The following NRXN1 variants were observed in gnomAD, a reference collection of about 807,000 sequenced individuals.
The protein encoded by NRXN1 is neurexin 1.
In NRXN1, 39 loss-of-function variants were observed where a neutral mutation model predicts 150.9. The ratio of observed to expected loss-of-function variants is 0.26; its 90% confidence interval spans 0.20 to 0.34. The LOEUF (loss-of-function observed/expected upper bound fraction) is 0.34, where lower values mean the gene tolerates loss of function less well. Ranked by LOEUF, NRXN1 falls within the 10% of genes least tolerant of loss-of-function variation. NRXN1 has a pLI of 1.00. For synonymous variants in NRXN1, 924 were observed against 757.0 expected (o/e 1.22, Z -3.62); for missense variants, 1,815 against 1,949.9 (o/e 0.93, Z 1.30).
chr2:49,942,453 T>G (rs962269913), intron 22 of NRXN1, among the ~76,000 whole-genome samples: 1 of 152,272 alleles, frequency 6.6e-6, no homozygotes, highest in Middle Eastern at 3.4e-3. Flanking sequence ...TCTAAAATGG[T>G]ATTCTTCACA....
intron 18 of NRXN1, among the ~76,000 whole-genome samples, chr2:50,163,929 T>C (rs2059521773): frequency 6.6e-6 from 1 of 152,164 alleles, no homozygotes. Context: ...TACACAGAGC[T>C]TGAAGGAGAA....
chr2:50,245,507 G>T (rs1215204790), intron 17 of NRXN1, among the ~76,000 whole-genome samples: 3 of 151,714 alleles, frequency 2.0e-5, no homozygotes, highest in Non-Finnish European at 4.4e-5. Context: ...TAGGCAGCAG[G>T]GATAGGAAGA....
At chr2:50,996,355 G>T (rs1258124742) in intron 2 of NRXN1, among the ~76,000 whole-genome samples, 1 of 152,004 alleles carries the variant, frequency 6.6e-6, no homozygotes, top group Non-Finnish European at 1.5e-5. Flanking sequence ...TGGGGTTAAG[G>T]TAAGAAATGA....
intron 2 of NRXN1, among the ~76,000 whole-genome samples, chr2:50,993,846 G>A (rs1039833263): frequency 6.6e-6 from 1 of 151,966 alleles, no homozygotes; most frequent in East Asian, 1.9e-4. Flanking sequence ...TAAGAGGAAA[G>A]GTTGATGATT....
At chr2:50,414,346 C>A (rs10185079) in intron 17 of NRXN1, among the ~76,000 whole-genome samples, 1 of 151,398 alleles carries the variant, frequency 6.6e-6, no homozygotes, top group African/African-American at 2.4e-5. Flanking sequence ...TAAATATATA[C>A]CTACTATATA....
At chr2:50,102,933 C>T (rs1375788191) in intron 18 of NRXN1, among the ~76,000 whole-genome samples, 4 of 151,742 alleles carry the variant, frequency 2.6e-5, no homozygotes, top group Non-Finnish European at 4.4e-5. Context: ...TGGAATAATG[C>T]GTAACAAAAG....
At chr2:50,123,545 T>C (rs1414289789) in intron 18 of NRXN1, among the ~76,000 whole-genome samples, 1 of 152,122 alleles carries the variant, frequency 6.6e-6, no homozygotes, top group African/African-American at 2.4e-5. Context: ...GAACAGATAA[T>C]TGACACAGTC....
At position 50,813,192 on chromosome 2, in the gene NRXN1, C is replaced by CA. The variant is rs202147925; in HGVS notation, c.832+108676dup. On this transcript the variant is annotated intron_variant, in intron 5 of 22. Coordinates refer to ENST00000401669, the MANE Select transcript of NRXN1 (RefSeq NM_001330078.2). The stretch of plus-strand genomic sequence containing the variant: ...CCAGGGTGACAGCAACACCTTGTCT[C>CA]AAAAAAAAAAAGATATTAATGGCTT... Among the ~76,000 whole-genome samples, 746 of 141,012 alleles carry CA rather than the reference C, an allele frequency of 5.3e-3. 1 individual carries two copies. Among genetic ancestry groups the CA allele is most frequent in the African/African-American group, 0.011 (438 of 38,292 alleles). 92.5% of individuals were successfully genotyped at this position (141,012 alleles called of 152,430 possible).
chr2:50,204,793 A>G (rs2062444985), intron 18 of NRXN1, among the ~76,000 whole-genome samples: 1 of 152,044 alleles, frequency 6.6e-6, no homozygotes, highest in African/African-American at 2.4e-5. Context: ...ACCAAATGGC[A>G]AGCCAATTAC....
intron 18 of NRXN1, among the ~76,000 whole-genome samples, chr2:50,208,416 G>T (rs1458840228): frequency 6.6e-6 from 1 of 152,098 alleles, no homozygotes; most frequent in Non-Finnish European, 1.5e-5. Context: ...AGGAAATACA[G>T]TTCCGGTCTC....
At chr2:50,351,732 A>G (rs1314024814) in intron 17 of NRXN1, among the ~76,000 whole-genome samples, 1 of 152,190 alleles carries the variant, frequency 6.6e-6, no homozygotes, top group Admixed American at 6.5e-5. Flanking sequence ...ACAAAATGAT[A>G]TGAGGTAGGT....
At chr2:51,021,228 G>C (rs1305437200) in intron 2 of NRXN1, among the ~76,000 whole-genome samples, 1 of 151,952 alleles carries the variant, frequency 6.6e-6, no homozygotes, top group Non-Finnish European at 1.5e-5. Context: ...AGCACAGTTT[G>C]CACAGCAACT....
At chr2:50,438,103 C>A (rs2085606018) in intron 17 of NRXN1, among the ~76,000 whole-genome samples, 1 of 152,138 alleles carries the variant, frequency 6.6e-6, no homozygotes, top group African/African-American at 2.4e-5. Flanking sequence ...TGCCCCAAAA[C>A]CTGACTTCTA....
At chr2:50,196,204 T>C (rs574905597) in intron 18 of NRXN1, among the ~76,000 whole-genome samples, 3 of 152,222 alleles carry the variant, frequency 2.0e-5, no homozygotes, top group East Asian at 3.9e-4. Flanking sequence ...CTCCCACTTA[T>C]AAGTGCATGT....
intron 17 of NRXN1, among the ~76,000 whole-genome samples, chr2:50,333,091 T>A (rs1367316213): frequency 1.3e-5 from 2 of 152,186 alleles, no homozygotes; most frequent in Non-Finnish European, 2.9e-5. Context: ...CCTTTCAGTG[T>A]TTCTTTCCCA....
chr2:50,287,365 C>A (rs569434378), intron 17 of NRXN1, among the ~76,000 whole-genome samples: 16 of 152,154 alleles, frequency 1.1e-4, no homozygotes, highest in African/African-American at 3.9e-4. Flanking sequence ...AAAAATATTA[C>A]AGGGGAAGGT....
intron 17 of NRXN1, among the ~76,000 whole-genome samples, chr2:50,438,648 T>C (rs2085660195): frequency 6.6e-6 from 1 of 152,206 alleles, no homozygotes; most frequent in African/African-American, 2.4e-5. Flanking sequence ...TAATTTTTGA[T>C]TCAAATTATA....
chr2:50,494,988 G>A (rs139984311), intron 15 of NRXN1, among the ~76,000 whole-genome samples: 406 of 149,182 alleles, frequency 2.7e-3, no homozygotes, highest in Non-Finnish European at 3.7e-3. Flanking sequence ...CCGAGATCGT[G>A]CCACTGCACT....
At chr2:50,409,753 A>C (rs556791920) in intron 17 of NRXN1, among the ~76,000 whole-genome samples, 10 of 152,370 alleles carry the variant, frequency 6.6e-5, no homozygotes, top group African/African-American at 1.7e-4. Flanking sequence ...ATGTATAAGA[A>C]TGTAAGGTGC....
Sources: gnomAD v4.1 joint callset for allele counts (sites outside exome capture counted in the v4.1 genomes callset) on GRCh38, gnomAD v4.1.1 for gene constraint, MANE v1.5 for transcripts, NCBI Gene and HGNC (gene_info 2026-07-23, HGNC 2026-07-21) for gene names.